The following SORBS2 variants were observed in gnomAD, a reference collection of about 807,000 sequenced individuals.
The protein encoded by SORBS2 is sorbin and SH3 domain containing 2.
SORBS2 carries 46 observed loss-of-function variants against 97.7 expected under a neutral mutation model. The ratio of observed to expected loss-of-function variants is 0.47; its 90% CI spans 0.37 to 0.60. The LOEUF is 0.60. Among genes scored for constraint, SORBS2 ranks in the 20% least tolerant of loss-of-function variants. The pLI is 0.00. For missense variants in SORBS2, 1,316 were observed against 1,282.3 expected (o/e 1.03, Z -0.40); for synonymous variants, 476 against 473.4 (o/e 1.01, Z -0.07).
intron 1 of SORBS2, among the ~76,000 whole-genome samples, chr4:185,854,817 GCCTT>G (rs1213261503): frequency 1.4e-4 from 20 of 144,438 alleles, no homozygotes; most frequent in African/African-American, 5.1e-4. Flanking sequence ...GAGAGAGAGA[GCCTT>G]AGTTAGTTTA....
intron 4 of SORBS2, among the ~76,000 whole-genome samples, chr4:185,642,534 C>T (rs189540334): frequency 6.1e-4 from 92 of 152,054 alleles, no homozygotes; most frequent in African/African-American, 2.1e-3. Flanking sequence ...TGTGGAAATA[C>T]GGTTCTGATT....
chr4:185,846,626 A>T (rs1161556087), intron 1 of SORBS2, among the ~76,000 whole-genome samples: 2 of 152,208 alleles, frequency 1.3e-5, no homozygotes, highest in African/African-American at 4.8e-5. Flanking sequence ...TGGCAATCCT[A>T]TTGGGAACAA....
At chr4:185,923,339 G>C (rs1370470110) in intron 1 of SORBS2, among the ~76,000 whole-genome samples, 1 of 152,052 alleles carries the variant, frequency 6.6e-6, no homozygotes, top group East Asian at 1.9e-4. Flanking sequence ...GTCTTGCTTT[G>C]TCACCCAGGC....
At chr4:185,939,305 C>T (rs895390713) in intron 1 of SORBS2, among the ~76,000 whole-genome samples, 1 of 152,140 alleles carries the variant, frequency 6.6e-6, no homozygotes, top group African/African-American at 2.4e-5. Flanking sequence ...TTCTTCCGTG[C>T]AATTGTTCCT....
At chr4:185,929,770 G>A (rs529053849) in intron 1 of SORBS2, among the ~76,000 whole-genome samples, 32 of 152,156 alleles carry the variant, frequency 2.1e-4, no homozygotes, top group African/African-American at 7.0e-4. Context: ...TCTTGACCTC[G>A]TGATCCACCT....
chr4:185,924,790 A>G (rs1045873350), intron 1 of SORBS2, among the ~76,000 whole-genome samples: 1 of 151,970 alleles, frequency 6.6e-6, no homozygotes, highest in African/African-American at 2.4e-5. Flanking sequence ...CTTTGTTCCA[A>G]TCCCCACTCC....
chr4:185,865,779 C>T (rs1423574638), intron 1 of SORBS2, among the ~76,000 whole-genome samples: 5 of 152,206 alleles, frequency 3.3e-5, no homozygotes, highest in Non-Finnish European at 2.9e-5. Flanking sequence ...GTGGCACCAT[C>T]GGGTTTTAAA....
At chr4:185,685,204 G>A (rs1054179360) in intron 2 of SORBS2, among the ~76,000 whole-genome samples, 1 of 152,136 alleles carries the variant, frequency 6.6e-6, no homozygotes, top group Non-Finnish European at 1.5e-5. Flanking sequence ...ACTGGATCTG[G>A]CTTTTAGAGT....
intron 1 of SORBS2, among the ~76,000 whole-genome samples, chr4:185,785,056 G>A (rs1043762299): frequency 1.3e-5 from 2 of 151,904 alleles, no homozygotes; most frequent in African/African-American, 2.4e-5. Context: ...TTCTGTTCTC[G>A]GTGGACACTG....
chr4:185,587,651 G>A lies in SORBS2; in HGVS notation c.2991C>T (p.Pro997=), dbSNP rs61744509. 38 of 1,613,358 alleles carry A rather than the reference G, an allele frequency of 2.4e-5. No homozygotes were observed. In the Admixed American group the frequency reaches 5.8e-4, roughly 25 times the overall value. Reference sequence around the variant, plus strand: ...TTCACAGCCTCTTGACGTAGTTTCCGGGGAAAGTACCAAAGAATTTGGTTC... The same window carrying A: ...TTCACAGCCTCTTGACGTAGTTTCCAGGGAAAGTACCAAAGAATTTGGTTC... The change falls in exon 15 of 15, where the codon CCC becomes CCT. Residue 997 remains proline (P), a synonymous_variant. Coordinates refer to ENST00000418609, the Ensembl canonical transcript of SORBS2.
At chr4:185,835,649 A>C (rs1358600544) in intron 1 of SORBS2, among the ~76,000 whole-genome samples, 2 of 136,160 alleles carry the variant, frequency 1.5e-5, no homozygotes, top group Non-Finnish European at 3.1e-5. Context: ...CAATTTTGAA[A>C]GGATTTTTTT....
chr4:185,769,971 G>C (rs77092401), intron 2 of SORBS2, among the ~76,000 whole-genome samples: 116,858 of 151,818 alleles, frequency 0.77, 45,364 homozygotes, highest in African/African-American at 0.85. Context: ...GGAGTAAAGG[G>C]CACTGTACAC....
intron 1 of SORBS2, among the ~76,000 whole-genome samples, chr4:185,868,295 TAC>T (rs1374782043): frequency 6.6e-6 from 1 of 151,620 alleles, no homozygotes; most frequent in African/African-American, 2.4e-5. Context: ...TAGCTGGGAT[TAC>T]AGGCGTGTGC....
At position 185,917,204 on chromosome 4, in the gene SORBS2, C is replaced by T. The variant is rs191584343; in HGVS notation, c.-338+38992G>A. Among the ~76,000 whole-genome samples, 26 of 152,248 alleles carry T rather than the reference C, an allele frequency of 1.7e-4. No homozygotes were observed. In the East Asian group the frequency reaches 3.5e-3, roughly 20 times the overall value. ...CCCTTCCCTCATACCCTGCCCTGTGCGTCTCTTCATCTGTATCCTTTGTAT... is the reference window on the plus strand; with the variant it reads ...CCCTTCCCTCATACCCTGCCCTGTGTGTCTCTTCATCTGTATCCTTTGTAT... On this transcript the variant is annotated intron_variant, in intron 1 of 20. Coordinates refer to the SORBS2 transcript ENST00000284776.
intron 1 of SORBS2, among the ~76,000 whole-genome samples, chr4:185,872,677 T>C (rs1264251378): frequency 7.2e-5 from 11 of 152,200 alleles, no homozygotes; most frequent in African/African-American, 2.7e-4. Flanking sequence ...AAATGATTTA[T>C]AGATTAATTT....
chr4:185,687,040 C>T, intron 2 of SORBS2, among the ~76,000 whole-genome samples: 1 of 152,084 alleles, frequency 6.6e-6, no homozygotes, highest in East Asian at 1.9e-4. Flanking sequence ...ATCTGAAGAA[C>T]ATTTTATTTA....
At chr4:185,625,770 C>T (rs1409189937) in intron 6 of SORBS2, among the ~76,000 whole-genome samples, 1 of 152,170 alleles carries the variant, frequency 6.6e-6, no homozygotes, top group African/African-American at 2.4e-5. Context: ...TTTACAAGGC[C>T]TTAAAAGGGC....
chr4:185,921,200 C>T (rs11726533), intron 1 of SORBS2, among the ~76,000 whole-genome samples: 27,090 of 152,204 alleles, frequency 0.18, 3,294 homozygotes, highest in East Asian at 0.53. Flanking sequence ...TAGACAGCTA[C>T]GCTTTAATCT....
intron 2 of SORBS2, among the ~76,000 whole-genome samples, chr4:185,766,158 T>C (rs954121128): frequency 1.3e-5 from 2 of 152,202 alleles, no homozygotes; most frequent in African/African-American, 4.8e-5. Flanking sequence ...GTCTGACATC[T>C]GACATCCTTC....
Sources: allele counts gnomAD v4.1 joint callset (sites outside exome capture counted in the v4.1 genomes callset), GRCh38; gene constraint gnomAD v4.1.1; transcripts MANE v1.5; gene names NCBI Gene and HGNC (gene_info 2026-07-23, HGNC 2026-07-21).